MAML3: variants seen among roughly 807,000 people sequenced by gnomAD.
The protein encoded by MAML3 is mastermind like transcriptional coactivator 3, also known as mastermind-like protein 3.
MAML3 carries 27 observed loss-of-function variants against 101.9 expected under a neutral mutation model. The ratio of observed to expected loss-of-function variants is 0.27; its 90% CI spans 0.20 to 0.37. The LOEUF (loss-of-function observed/expected upper bound fraction) is 0.37, where lower values mean the gene tolerates loss of function less well. Among genes scored for constraint, MAML3 ranks in the 10% least tolerant of loss-of-function variants. The pLI, the probability that MAML3 is intolerant of heterozygous loss-of-function variation, is 1.00. For missense variants in MAML3, 1,316 were observed against 1,444.9 expected (o/e 0.91, Z 1.45); for synonymous variants, 501 against 555.9 (o/e 0.90, Z 1.39).
intron 1 of MAML3, among the ~76,000 whole-genome samples, chr4:139,950,587 A>G (rs1691570652): frequency 6.6e-6 from 1 of 152,158 alleles, no homozygotes. Flanking sequence ...TGTAGTTCTT[A>G]TAAGAAAAGA....
intron 1 of MAML3, among the ~76,000 whole-genome samples, chr4:139,902,479 A>C (rs942463889): frequency 1.3e-5 from 2 of 152,180 alleles, no homozygotes; most frequent in African/African-American, 4.8e-5. Context: ...TAATAAACAG[A>C]AACCAAGGCA....
intron 1 of MAML3, among the ~76,000 whole-genome samples, chr4:139,983,843 T>G (rs1734487331): frequency 6.6e-6 from 1 of 150,908 alleles, no homozygotes; most frequent in South Asian, 2.1e-4. Context: ...TGGTCAAGAG[T>G]TTCAAGAGGG....
At chr4:139,840,493 G>T (rs1731341898) in intron 2 of MAML3, among the ~76,000 whole-genome samples, 1 of 152,200 alleles carries the variant, frequency 6.6e-6, no homozygotes, top group African/African-American at 2.4e-5. Flanking sequence ...CCAGACAGAA[G>T]CCCCGGTGCA....
intron 2 of MAML3, among the ~76,000 whole-genome samples, chr4:139,882,361 T>C (rs1732235731): frequency 6.7e-6 from 1 of 149,354 alleles, no homozygotes; most frequent in African/African-American, 2.5e-5. Flanking sequence ...ATACAGTGAA[T>C]GAAAAAGAGC....
intron 1 of MAML3, among the ~76,000 whole-genome samples, chr4:140,104,025 C>T (rs986875246): frequency 3.9e-5 from 6 of 151,956 alleles, no homozygotes; most frequent in African/African-American, 1.5e-4. Context: ...AGATACAGTA[C>T]GTGCACTGTT....
chr4:139,746,273 T>A (rs1319880851), intron 2 of MAML3, among the ~76,000 whole-genome samples: 1 of 152,188 alleles, frequency 6.6e-6, no homozygotes, highest in African/African-American at 2.4e-5. Context: ...GAGATGGTAA[T>A]AAGAATAATT....
intron 2 of MAML3, among the ~76,000 whole-genome samples, chr4:139,885,181 G>C (rs748988652): frequency 6.6e-6 from 1 of 151,844 alleles, no homozygotes; most frequent in Non-Finnish European, 1.5e-5. Context: ...CAGGAAGATC[G>C]CTTCAGTTCA....
chr4:139,753,341 A>AATCT (rs35975255), intron 2 of MAML3, among the ~76,000 whole-genome samples: 60,862 of 146,522 alleles, frequency 0.42, 12,671 homozygotes, highest in Middle Eastern at 0.45. Context: ...TTTTCTTTTT[A>AATCT]ATCTATCTAT....
Position 139,928,861 on chromosome 4 carries a change from G to A in MAML3, c.469-37894C>T, listed in dbSNP as rs143163484. On this transcript the variant is annotated intron_variant, in intron 1 of 4. Coordinates refer to ENST00000509479, the MANE Select transcript of MAML3 (RefSeq NM_018717.5). ...TGGAACTCAGAATGGAGGGGGATTT[G>A]GCGGACAGAGAAGATCTTTGGAGGA... Among the ~76,000 whole-genome samples the A allele has an allele frequency of 1.3e-3, 199 of 152,290 alleles. 1 individual carries two copies. The highest frequency in any genetic ancestry group is 4.4e-3 in the African/African-American group (181 of 41,556).
At chr4:139,812,841 G>T (rs1389569222) in intron 2 of MAML3, among the ~76,000 whole-genome samples, 1 of 152,096 alleles carries the variant, frequency 6.6e-6, no homozygotes, top group East Asian at 1.9e-4. Context: ...TACAGGTAAA[G>T]ATTGCCACAC....
intron 2 of MAML3, among the ~76,000 whole-genome samples, chr4:139,801,653 T>G (rs961801371): frequency 5.7e-5 from 1 of 17,688 alleles, no homozygotes; most frequent in African/African-American, 1.4e-4. Context: ...GGTGTGTGTG[T>G]GTGTGTGTGT....
chr4:139,899,865 G>C (rs897951741), intron 1 of MAML3, among the ~76,000 whole-genome samples: 2 of 152,188 alleles, frequency 1.3e-5, no homozygotes, highest in Non-Finnish European at 2.9e-5. Context: ...GACCATCCCA[G>C]AATGCGGCTT....
In MAML3 at chr4:139,889,679, C is replaced by A; in HGVS notation, c.1757G>T (p.Gly586Val). The A allele has an allele frequency of 6.2e-7, 1 of 1,613,926 alleles. No homozygotes were observed. Among genetic ancestry groups the A allele is most frequent in the South Asian group, 1.1e-5 (1 of 91,084 alleles). Residue 586 changes from glycine to valine, a missense_variant, in exon 2 of 5, where the codon GGT becomes GTT. Gly to Val is a moderately radical substitution (Grantham distance 109, BLOSUM62 -3). Coordinates refer to ENST00000509479, the MANE Select transcript of MAML3 (RefSeq NM_018717.5). ...GTGCTGTTTGTTTAAGGAGTTTGTA[C>A]CCAAGTTATTTGGCTGCTGATTGAT... is the stretch of plus-strand genomic sequence containing the variant. Reference protein sequence around the residue: ...NMINQQPNNLGTNSLNKQHNI... With the variant: ...NMINQQPNNLVTNSLNKQHNI...
At chr4:140,104,214 A>G (rs955358492) in intron 1 of MAML3, among the ~76,000 whole-genome samples, 1 of 149,710 alleles carries the variant, frequency 6.7e-6, no homozygotes, top group South Asian at 2.1e-4. Flanking sequence ...TAGAAACCCT[A>G]TGTCTACAAA....
chr4:139,956,393 A>G (rs1242121032), intron 1 of MAML3, among the ~76,000 whole-genome samples: 1 of 152,252 alleles, frequency 6.6e-6, no homozygotes, highest in Non-Finnish European at 1.5e-5. Flanking sequence ...AATACATTTC[A>G]GTGATAGATA....
At chr4:139,802,964 G>A (rs563089924) in intron 2 of MAML3, among the ~76,000 whole-genome samples, 1 of 152,324 alleles carries the variant, frequency 6.6e-6, no homozygotes, top group East Asian at 1.9e-4. Flanking sequence ...AGCAAACAGT[G>A]TTAAGTGATT....
chr4:139,805,707 T>G (rs937775664), intron 2 of MAML3, among the ~76,000 whole-genome samples: 1 of 152,206 alleles, frequency 6.6e-6, no homozygotes, highest in Non-Finnish European at 1.5e-5. Flanking sequence ...AAATCAGCAT[T>G]GCAGAGGGAT....
At chr4:139,858,049 C>T (rs1511457) in intron 2 of MAML3, among the ~76,000 whole-genome samples, 118,452 of 152,154 alleles carry the variant, frequency 0.78, 46,285 homozygotes, top group South Asian at 0.83. Context: ...AAAGAGTACT[C>T]GCTTCATTTA....
At chr4:139,946,791 G>T (rs1302633112) in intron 1 of MAML3, among the ~76,000 whole-genome samples, 1 of 151,798 alleles carries the variant, frequency 6.6e-6, no homozygotes, top group Non-Finnish European at 1.5e-5. Flanking sequence ...TTCATTGAGG[G>T]TCAAGAAATA....
Sources: allele counts gnomAD v4.1 joint callset (sites outside exome capture counted in the v4.1 genomes callset), GRCh38; gene constraint gnomAD v4.1.1; transcripts MANE v1.5; gene names NCBI Gene and HGNC (gene_info 2026-07-23, HGNC 2026-07-21).